Variants in TRIM5 observed in about 807,000 individuals in gnomAD.
TRIM5 encodes the protein tripartite motif-containing protein 5.
Under a neutral mutation model 35.6 loss-of-function variants are expected in TRIM5, and 31 were observed. That is an observed-to-expected ratio of 0.87 (90% CI 0.65 to 1.18). The LOEUF (loss-of-function observed/expected upper bound fraction) is 1.18. TRIM5 is among the 50% of genes most tolerant of loss of function. The pLI is 0.00. For synonymous variants in TRIM5, 243 were observed against 215.6 expected (o/e 1.13, Z -1.11); for missense variants, 609 against 591.6 (o/e 1.03, Z -0.31).
At chr11:5,632,438 G>A in the TRIM5 span, 4 of 1,614,038 alleles carry the variant, frequency 2.5e-6, no homozygotes, top group Non-Finnish European at 2.5e-6. Context: ...AGCCTCTGCC[G>A]AGCCTGCATC....
Position 5,664,338 on chromosome 11 carries a change from TAA to T in TRIM5, c.*469_*470del. ...CCTCTAGATACAAAACCTCTATACT[TAA>T]GAGTATACCATTTATGATATTTTCT... On this transcript the variant is annotated 3_prime_UTR_variant, in exon 8 of 8. Transcript: ENST00000380034. 1 of 990,236 alleles carries T rather than the reference TAA, an allele frequency of 1.0e-6. No homozygotes were observed. The highest frequency in any genetic ancestry group is 1.2e-6 in the Non-Finnish European group (1 of 832,740). The allele number at this position is 990,236 out of a possible 1,614,324, so 61.3% of individuals were successfully genotyped here.
chr11:5,616,292 G>A, the TRIM5 span, among the ~76,000 whole-genome samples: 5 of 144,990 alleles, frequency 3.4e-5, 1 homozygote, highest in Non-Finnish European at 7.6e-5. Flanking sequence ...TCGTACTCCA[G>A]CCTGGGCAAC....
the TRIM5 span, among the ~76,000 whole-genome samples, chr11:5,649,380 G>A: frequency 0.61 from 92,031 of 151,984 alleles, 28,191 homozygotes; most frequent in African/African-American, 0.68. Context: ...GCCATTCCTC[G>A]TCTTGCCTGA....
downstream of TRIM5, among the ~76,000 whole-genome samples, chr11:5,662,633 C>T (rs375602734): frequency 9.2e-5 from 14 of 152,264 alleles, no homozygotes; most frequent in African/African-American, 3.1e-4. Context: ...TAAGACTAGG[C>T]AGCTATGAAA....
rs1412569979 is a variant in TRIM5 at position 5,667,696 on chromosome 11, TGAC to T, written c.757_759del (p.Val253del). The T allele has an allele frequency of 6.2e-7, 1 of 1,613,830 alleles. No homozygotes were observed. Among genetic ancestry groups the T allele is most frequent in the East Asian group, 2.2e-5 (1 of 44,796 alleles). Reference sequence around the variant, plus strand: ...CTGTCCTCCCACACATACCTTTTTATGACGCCATCCACACCCTAGGAAGAAGAG... The same window carrying T: ...CTGTCCTCCCACACATACCTTTTTATGCCATCCACACCCTAGGAAGAAGAG... On this transcript the variant is annotated inframe_deletion, in exon 5 of 8. Transcript: ENST00000380034.
chr11:5,634,531 A>G, the TRIM5 span: 41 of 476,400 alleles, frequency 8.6e-5, 1 homozygote, highest in African/African-American at 8.4e-4. Flanking sequence ...ACACACACAC[A>G]TATATATATA....
At chr11:5,607,061 G>A in the TRIM5 span, among the ~76,000 whole-genome samples, 3 of 152,046 alleles carry the variant, frequency 2.0e-5, no homozygotes, top group South Asian at 4.2e-4. Flanking sequence ...AAAATTAGCC[G>A]GGCGTGGTGG....
At position 5,679,828 on chromosome 11, in the gene TRIM5, C is replaced by T; in HGVS notation, c.350G>A (p.Cys117Tyr). Residue 117 changes from cysteine to tyrosine, a missense_variant, in exon 2 of 8, where the codon TGT becomes TAT. Cys to Tyr is a radical substitution (Grantham distance 194, BLOSUM62 -2). Transcript: ENST00000380034. The part of the protein sequence containing the change: ...QEDGKVICWL[C>Y]ERSQEHRGHH... ...ACCACGGTGCTCCTGAGACCGCTCA[C>T]AAAGCCAGCAAATGACCTTCCCGTC... 6.2e-7 allele frequency: 1 copy of T among 1,613,360 alleles called. No individual in the cohort carries two copies. The highest frequency in any genetic ancestry group is 8.5e-7 in the Non-Finnish European group (1 of 1,179,800).
chr11:5,665,756 T>C (rs184043151), intron 6 of TRIM5, 74 bp from the exon 7 acceptor site: 1 of 1,476,232 alleles, frequency 6.8e-7, no homozygotes, highest in East Asian at 2.4e-5. Flanking sequence ...CTCTCCAGAT[T>C]AGGGAAAGAG....
At chr11:5,595,316 T>C in the TRIM5 span, 1 of 152,250 alleles carries the variant, frequency 6.6e-6, no homozygotes, top group Non-Finnish European at 1.5e-5. Flanking sequence ...GTTAGAGTTC[T>C]GAGGCTCAAT....
chr11:5,604,090 G>A, the TRIM5 span, among the ~76,000 whole-genome samples: 1 of 152,184 alleles, frequency 6.6e-6, no homozygotes, highest in East Asian at 1.9e-4. Flanking sequence ...CCGCCTCCCG[G>A]GTTCAAGCAG....
intron 4 of TRIM5, among the ~76,000 whole-genome samples, chr11:5,675,394 T>G (rs1041198062): frequency 6.6e-5 from 10 of 151,976 alleles, no homozygotes; most frequent in Non-Finnish European, 1.2e-4. Flanking sequence ...ACGTAGAGCC[T>G]GAGACAAGGA....
intron 1 of TRIM5, among the ~76,000 whole-genome samples, chr11:5,684,495 G>A (rs919681650): frequency 3.0e-4 from 46 of 152,170 alleles, no homozygotes; most frequent in African/African-American, 1.1e-3. Context: ...CCAGGCCAAG[G>A]TGATGAGAAC....
the TRIM5 span, among the ~76,000 whole-genome samples, chr11:5,609,473 C>T: frequency 6.6e-6 from 1 of 152,106 alleles, no homozygotes; most frequent in African/African-American, 2.4e-5. Flanking sequence ...ATCTTCAACC[C>T]CTCTGATTTT....
the TRIM5 span, chr11:5,642,936 T>G: frequency 1.6e-5 from 25 of 1,541,996 alleles, no homozygotes; most frequent in Non-Finnish European, 2.0e-5. Context: ...GCCTCATGCA[T>G]TCTCAGCACC....
At chr11:5,598,168 C>T in the TRIM5 span, among the ~76,000 whole-genome samples, 1 of 152,198 alleles carries the variant, frequency 6.6e-6, no homozygotes, top group Non-Finnish European at 1.5e-5. Flanking sequence ...AGCCCGTCCA[C>T]ACTGCTCTGG....
At chr11:5,662,408 T>G (rs1430075177), downstream of TRIM5, among the ~76,000 whole-genome samples, 1 of 152,066 alleles carries the variant, frequency 6.6e-6, no homozygotes, top group Admixed American at 6.6e-5. Context: ...GAACAAGTAT[T>G]TTTTTGTCAT....
At chr11:5,652,455 GT>G in the TRIM5 span, among the ~76,000 whole-genome samples, 1 of 152,142 alleles carries the variant, frequency 6.6e-6, no homozygotes, top group South Asian at 2.1e-4. Flanking sequence ...TGTCAACTTG[GT>G]TTAAGATCAG....
At chr11:5,637,627 C>G in the TRIM5 span, among the ~76,000 whole-genome samples, 3 of 152,118 alleles carry the variant, frequency 2.0e-5, no homozygotes, top group African/African-American at 7.2e-5. Context: ...GGGGCACATT[C>G]AATTCCATGG....
Sources: gnomAD v4.1 joint callset for allele counts (sites outside exome capture counted in the v4.1 genomes callset) on GRCh38, gnomAD v4.1.1 for gene constraint, MANE v1.5 for transcripts, NCBI Gene and HGNC (gene_info 2026-07-23, HGNC 2026-07-21) for gene names.